The following CDK19 variants were observed in gnomAD, a reference collection of about 807,000 sequenced individuals.
CDK19 encodes cyclin-dependent kinase 19.
In CDK19, 20 loss-of-function variants were observed where a neutral mutation model predicts 68.3. The ratio of observed to expected loss-of-function variants is 0.29; its 90% CI spans 0.21 to 0.43. The LOEUF is 0.43. Ranked by LOEUF, CDK19 falls within the 20% of genes least tolerant of loss-of-function variation. CDK19 has a pLI of 1.00. For synonymous variants in CDK19, 221 were observed against 222.8 expected, an observed-to-expected ratio of 0.99 and a Z score of 0.07; for missense variants, 339 against 623.5, an observed-to-expected ratio of 0.54 and a Z score of 4.86.
chr6:110,701,425 G>A (rs1773998546), intron 2 of CDK19, among the ~76,000 whole-genome samples: 3 of 150,404 alleles, frequency 2.0e-5, no homozygotes, highest in Admixed American at 6.6e-5. Flanking sequence ...GGTGGCGGGC[G>A]CCAGTAGTTA....
rs1211636098 is a variant in CDK19 at position 110,730,980 on chromosome 6, A to G, written c.204+15146T>C. Among the ~76,000 whole-genome samples the G allele has an allele frequency of 2.6e-5, 4 of 152,078 alleles. No homozygotes were observed. In the East Asian group the frequency reaches 7.7e-4, roughly 29 times the overall value. On this transcript the variant is annotated intron_variant, in intron 2 of 12. Coordinates refer to ENST00000368911, the MANE Select transcript of CDK19 (RefSeq NM_015076.5). Reference sequence around the variant, plus strand: ...GGCAGGAGAATCATTTGAACCTGGGAGGCAGAGGTTGCAGTGAGCTGAGAT... The same window carrying G: ...GGCAGGAGAATCATTTGAACCTGGGGGGCAGAGGTTGCAGTGAGCTGAGAT...
In CDK19 at chr6:110,646,110, G is replaced by A. The variant is rs1780554238; in HGVS notation, c.457-7404C>T. The A allele has an allele frequency of 2.6e-5, 23 of 880,072 alleles. No homozygotes were observed. The South Asian group carries it at 3.2e-4, about 12-fold the overall frequency. 54.5% of individuals were successfully genotyped at this position (880,072 alleles called of 1,614,324 possible). On this transcript the variant is annotated intron_variant, in intron 4 of 12. Coordinates refer to ENST00000368911, the MANE Select transcript of CDK19 (RefSeq NM_015076.5). Reference sequence around the variant, plus strand: ...TGTGGCTAAGCAAGGCACCTCCTTCGAGGTGATTCTCATCTCTGATGCTAA... The same window carrying A: ...TGTGGCTAAGCAAGGCACCTCCTTCAAGGTGATTCTCATCTCTGATGCTAA...
rs115739101 is a variant in CDK19, at chr6:110,784,521, T to C, written c.128+30488A>G. Reference sequence around the variant, plus strand: ...AGGATGTAGAGAACTGAAACCCTCATACATTTCAGGTGGAAATGTGAAATG... The same window carrying C: ...AGGATGTAGAGAACTGAAACCCTCACACATTTCAGGTGGAAATGTGAAATG... On this transcript the variant is annotated intron_variant, in intron 1 of 12. Transcript: ENST00000368911. Among the ~76,000 whole-genome samples the C allele has an allele frequency of 5.2e-3, 795 of 152,274 alleles. 6 individuals are homozygous for C. The highest frequency in any genetic ancestry group is 0.019 in the African/African-American group (773 of 41,538).
At chr6:110,804,593 A>C (rs936491877) in intron 1 of CDK19, among the ~76,000 whole-genome samples, 2 of 149,398 alleles carry the variant, frequency 1.3e-5, no homozygotes, top group African/African-American at 4.9e-5. Context: ...TGATCCGCCC[A>C]CCTCGGCCTC....
chr6:110,798,489 T>C (rs1286199683), intron 1 of CDK19, among the ~76,000 whole-genome samples: 1 of 151,750 alleles, frequency 6.6e-6, no homozygotes, highest in Non-Finnish European at 1.5e-5. Flanking sequence ...CTGGGCATGA[T>C]GGCAGGCACC....
intron 6 of CDK19, among the ~76,000 whole-genome samples, chr6:110,629,442 C>T (rs978464380): frequency 1.3e-5 from 2 of 152,144 alleles, no homozygotes; most frequent in Non-Finnish European, 2.9e-5. Context: ...ATATCAAATG[C>T]CTCCCGGGTT....
intron 2 of CDK19, among the ~76,000 whole-genome samples, chr6:110,684,681 T>A (rs1311036275): frequency 6.6e-6 from 1 of 152,106 alleles, no homozygotes; most frequent in Non-Finnish European, 1.5e-5. Flanking sequence ...TAAACTGACA[T>A]CAATTTCCCA....
chr6:110,645,364 A>G (rs1780485530), intron 4 of CDK19, among the ~76,000 whole-genome samples: 3 of 152,254 alleles, frequency 2.0e-5, no homozygotes, highest in Non-Finnish European at 4.4e-5. Flanking sequence ...CAGAATTGAA[A>G]TAATGAAAAT....
intron 5 of CDK19, among the ~76,000 whole-genome samples, chr6:110,637,447 G>A (rs972896453): frequency 1.1e-4 from 17 of 152,196 alleles, no homozygotes; most frequent in African/African-American, 4.1e-4. Flanking sequence ...AGAAAAGGAA[G>A]TTGGTTTAGA....
chr6:110,719,972 G>GCTCCCCCCCCCCCCCCCCCC (rs1554211507), intron 2 of CDK19, among the ~76,000 whole-genome samples: 57 of 45,546 alleles, frequency 1.3e-3, no homozygotes, highest in South Asian at 1.7e-3. Flanking sequence ...CTTGTGATCC[G>GCTCCCCCCCCCCCCCCCCCC]CCCCCCCCCC....
intron 1 of CDK19, among the ~76,000 whole-genome samples, chr6:110,796,428 G>A (rs1781942084): frequency 6.6e-6 from 1 of 151,962 alleles, no homozygotes; most frequent in African/African-American, 2.4e-5. Context: ...TGAGGTGGGT[G>A]GACTGTTTGA....
intron 12 of CDK19, among the ~76,000 whole-genome samples, chr6:110,617,516 G>A (rs1373737309): frequency 6.6e-6 from 1 of 151,960 alleles, no homozygotes; most frequent in African/African-American, 2.4e-5. Context: ...GGGCACAGTG[G>A]CTCACGCCTG....
At chr6:110,739,410 A>G in intron 2 of CDK19, among the ~76,000 whole-genome samples, 1 of 152,102 alleles carries the variant, frequency 6.6e-6, no homozygotes, top group Non-Finnish European at 1.5e-5. Context: ...TTGATCCTGG[A>G]CTTCCCAGCC....
chr6:110,731,768 A>G lies in CDK19; in HGVS notation c.204+14358T>C, dbSNP rs561523018. The stretch of plus-strand genomic sequence containing the variant: ...TCTCTTGAATAAAACCATTCAATCT[A>G]TCCTATTTGCATAGACTATCCTATT... On this transcript the variant is annotated intron_variant, in intron 2 of 12. Coordinates refer to ENST00000368911, the MANE Select transcript of CDK19 (RefSeq NM_015076.5). 3.9e-5 allele frequency among the ~76,000 whole-genome samples: 6 copies of G among 152,222 alleles called. No homozygotes were observed. In the South Asian group the frequency reaches 1.0e-3, roughly 26 times the overall value.
chr6:110,742,620 G>C (rs185128158), intron 2 of CDK19, among the ~76,000 whole-genome samples: 1 of 152,280 alleles, frequency 6.6e-6, no homozygotes, highest in Admixed American at 6.5e-5. Flanking sequence ...CCTGGGGAAA[G>C]AATGCATTCC....
At chr6:110,724,646 T>C (rs1776191992) in intron 2 of CDK19, among the ~76,000 whole-genome samples, 1 of 152,022 alleles carries the variant, frequency 6.6e-6, no homozygotes, top group Non-Finnish European at 1.5e-5. Flanking sequence ...GCACTAAAAG[T>C]AAAAATGAAA....
chr6:110,725,327 AG>A (rs1468113624), intron 2 of CDK19, among the ~76,000 whole-genome samples: 1 of 152,106 alleles, frequency 6.6e-6, no homozygotes, highest in African/African-American at 2.4e-5. Flanking sequence ...CTAAGCAAAC[AG>A]AAGAGGAAAA....
In CDK19 at chr6:110,617,856, CAAAAAAAAAA is replaced by C. The variant is rs58620857; in HGVS notation, c.1378-3200_1378-3191del. Among the ~76,000 whole-genome samples the C allele has an allele frequency of 5.8e-4, 10 of 17,360 alleles. No homozygotes were observed. The South Asian group carries it at 0.012, about 21-fold the overall frequency. 11.4% of individuals were successfully genotyped at this position (17,360 alleles called of 152,430 possible). A position where few individuals can be genotyped will look rare whatever the true frequency, so the allele number is the denominator to read the frequency against. On this transcript the variant is annotated intron_variant, in intron 12 of 12. Coordinates refer to ENST00000368911, the MANE Select transcript of CDK19 (RefSeq NM_015076.5). ...TGGGTGACACAGTGAGACTCTGTCT[CAAAAAAAAAA>C]AAAAAAAAAAAAAAAAAAAGACTAC...
chr6:110,813,789 A>C (rs915681758), intron 1 of CDK19: 1 of 152,258 alleles, frequency 6.6e-6, no homozygotes, highest in Admixed American at 6.5e-5. Context: ...CAACCACATC[A>C]AATTATAACA....
Sources: gnomAD v4.1 joint callset for allele counts (sites outside exome capture counted in the v4.1 genomes callset) on GRCh38, gnomAD v4.1.1 for gene constraint, MANE v1.5 for transcripts, NCBI Gene and HGNC (gene_info 2026-07-23, HGNC 2026-07-21) for gene names.